The following PRKCA variants were observed in gnomAD, a reference collection of about 807,000 sequenced individuals.
PRKCA encodes the protein protein kinase C alpha type.
A neutral mutation model predicts 87.0 loss-of-function variants in PRKCA; 27 were observed. The ratio of observed to expected loss-of-function variants is 0.31; its 90% CI spans 0.23 to 0.43. PRKCA has a LOEUF of 0.43. Among genes scored for constraint, PRKCA ranks in the 20% least tolerant of loss-of-function variants. The pLI is 1.00. For synonymous variants in PRKCA, 329 were observed against 311.1 expected (o/e 1.06, Z -0.61); for missense variants, 518 against 852.3 (o/e 0.61, Z 4.88).
At chr17:66,471,507 G>C (rs74432952) in intron 2 of PRKCA, among the ~76,000 whole-genome samples, 5,995 of 152,298 alleles carry the variant, frequency 0.039, 365 homozygotes, top group African/African-American at 0.13. Context: ...AGACAGTATA[G>C]TCCACAAGGA....
intron 3 of PRKCA, among the ~76,000 whole-genome samples, chr17:66,633,463 A>T (rs926778958): frequency 7.9e-5 from 12 of 152,306 alleles, no homozygotes; most frequent in African/African-American, 2.9e-4. Flanking sequence ...TACAAGCATG[A>T]TTCATGAGAA....
intron 2 of PRKCA, among the ~76,000 whole-genome samples, chr17:66,471,607 G>A (rs1183758914): frequency 6.6e-6 from 1 of 151,192 alleles, no homozygotes. Context: ...AAACAGGTGA[G>A]TCTGACTAAT....
intron 3 of PRKCA, among the ~76,000 whole-genome samples, chr17:66,586,895 T>C (rs1259413336): frequency 6.6e-6 from 1 of 152,176 alleles, no homozygotes; most frequent in East Asian, 1.9e-4. Context: ...CCATTAGAAC[T>C]CTAGATGGCT....
chr17:66,417,583 C>T (rs569916714), intron 2 of PRKCA, among the ~76,000 whole-genome samples: 1 of 152,246 alleles, frequency 6.6e-6, no homozygotes, highest in African/African-American at 2.4e-5. Flanking sequence ...CATGTACCTG[C>T]AGAGAGCTCC....
At chr17:66,772,759 G>A (rs1665473877) in intron 13 of PRKCA, among the ~76,000 whole-genome samples, 1 of 152,116 alleles carries the variant, frequency 6.6e-6, no homozygotes, top group Admixed American at 6.5e-5. Context: ...TAGTACTTCT[G>A]ATAGCCACAA....
intron 2 of PRKCA, among the ~76,000 whole-genome samples, chr17:66,484,060 G>A (rs751763959): frequency 3.1e-4 from 47 of 152,246 alleles, no homozygotes; most frequent in Middle Eastern, 3.4e-3. Context: ...CATGGCAGAA[G>A]GTGAAAGTCT....
At chr17:66,800,731 A>G (rs934102204) in intron 16 of PRKCA, among the ~76,000 whole-genome samples, 11 of 152,226 alleles carry the variant, frequency 7.2e-5, no homozygotes, top group Admixed American at 6.5e-4. Flanking sequence ...ACACATTGAT[A>G]AATTTAGAGC....
At chr17:66,684,597 A>G (rs1326904686) in intron 5 of PRKCA, among the ~76,000 whole-genome samples, 2 of 152,270 alleles carry the variant, frequency 1.3e-5, no homozygotes, top group African/African-American at 4.8e-5. Context: ...GTAGTATCTC[A>G]GTAGGACACT....
At chr17:66,584,291 G>A (rs1448336460) in intron 3 of PRKCA, among the ~76,000 whole-genome samples, 1 of 151,890 alleles carries the variant, frequency 6.6e-6, no homozygotes, top group Admixed American at 6.6e-5. Flanking sequence ...GCTTGATCTC[G>A]GCTCACTGCA....
chr17:66,455,496 A>T (rs910815315), intron 2 of PRKCA, among the ~76,000 whole-genome samples: 7 of 152,238 alleles, frequency 4.6e-5, no homozygotes, highest in Non-Finnish European at 1.0e-4. Context: ...CATAGGCTTT[A>T]TGATCATTTA....
chr17:66,636,794 A>T (rs2143774594), intron 3 of PRKCA, among the ~76,000 whole-genome samples: 1 of 152,272 alleles, frequency 6.6e-6, no homozygotes, highest in East Asian at 1.9e-4. Flanking sequence ...TAAATAAATG[A>T]CGTGACTTTT....
chr17:66,496,640 C>T (rs890480123), intron 3 of PRKCA, among the ~76,000 whole-genome samples: 1 of 151,138 alleles, frequency 6.6e-6, no homozygotes, highest in African/African-American at 2.4e-5. Context: ...CTCCCCTCCC[C>T]TCCCCACCCC....
At chr17:66,765,520 G>A (rs990200049) in intron 13 of PRKCA, among the ~76,000 whole-genome samples, 21 of 125,766 alleles carry the variant, frequency 1.7e-4, no homozygotes, top group Admixed American at 7.4e-4. Context: ...CTTTATATTT[G>A]TCTTTATATA....
At chr17:66,732,357 G>A (rs889214164) in intron 8 of PRKCA, among the ~76,000 whole-genome samples, 3 of 152,162 alleles carry the variant, frequency 2.0e-5, no homozygotes, top group African/African-American at 7.2e-5. Flanking sequence ...TCATGGACCC[G>A]AAGCACTGTT....
chr17:66,462,965 C>T (rs528023064), intron 2 of PRKCA, among the ~76,000 whole-genome samples: 5 of 133,580 alleles, frequency 3.7e-5, no homozygotes, highest in South Asian at 4.7e-4. Context: ...CACACACACA[C>T]ATTTATGAGT....
chr17:66,651,313 G>A (rs1177340078), intron 5 of PRKCA, among the ~76,000 whole-genome samples: 1 of 152,164 alleles, frequency 6.6e-6, no homozygotes, highest in Non-Finnish European at 1.5e-5. Context: ...ATGCGCACAG[G>A]CTCTGAGTTA....
At chr17:66,577,072 G>C (rs1305399512) in intron 3 of PRKCA, among the ~76,000 whole-genome samples, 1 of 152,078 alleles carries the variant, frequency 6.6e-6, no homozygotes, top group Non-Finnish European at 1.5e-5. Flanking sequence ...GTTTGGCCAT[G>C]TTGCCCAGGC....
chr17:66,539,261 T>C (rs1178256607), intron 3 of PRKCA, among the ~76,000 whole-genome samples: 1 of 152,198 alleles, frequency 6.6e-6, no homozygotes, highest in Non-Finnish European at 1.5e-5. Flanking sequence ...AAATAAACGC[T>C]TTGGGTGGAG....
intron 13 of PRKCA, among the ~76,000 whole-genome samples, chr17:66,765,873 A>G (rs1400554654): frequency 6.6e-6 from 1 of 152,190 alleles, no homozygotes; most frequent in Non-Finnish European, 1.5e-5. Flanking sequence ...TGAGAGAAAG[A>G]TATGCTTTAT....
Sources: allele counts gnomAD v4.1 joint callset (sites outside exome capture counted in the v4.1 genomes callset), GRCh38; gene constraint gnomAD v4.1.1; transcripts MANE v1.5; gene names NCBI Gene and HGNC (gene_info 2026-07-23, HGNC 2026-07-21).